The following TNNI3K variants were observed in gnomAD, a reference collection of about 807,000 sequenced individuals.
TNNI3K encodes the protein serine/threonine-protein kinase TNNI3K.
Under a neutral mutation model 114.5 loss-of-function variants are expected in TNNI3K, and 140 were observed. That is an observed-to-expected ratio of 1.22 (90% CI 1.07 to 1.41). The LOEUF is 1.41. Ranked by LOEUF, TNNI3K falls within the 40% of genes most tolerant of loss-of-function variation. The pLI, the probability that TNNI3K is intolerant of heterozygous loss-of-function variation, is 0.00. For missense variants in TNNI3K, 1,125 were observed against 1,007.6 expected, an observed-to-expected ratio of 1.12 and a Z score of -1.58; for synonymous variants, 347 against 347.5, an observed-to-expected ratio of 1.00 and a Z score of 0.02.
chr1:74,523,631 G>A (rs902183578), intron 23 of TNNI3K, among the ~76,000 whole-genome samples: 2 of 152,172 alleles, frequency 1.3e-5, no homozygotes, highest in African/African-American at 2.4e-5. Context: ...CAGAGGTTGA[G>A]CTCCTACTGT....
intron 17 of TNNI3K, among the ~76,000 whole-genome samples, chr1:74,425,401 C>A (rs1216514057): frequency 6.6e-6 from 1 of 152,034 alleles, no homozygotes; most frequent in Non-Finnish European, 1.5e-5. Flanking sequence ...GGTTTTAAGT[C>A]TCAGCAAGTT....
intron 21 of TNNI3K, among the ~76,000 whole-genome samples, chr1:74,486,201 A>AAGAGACAGAGAGAGAG (rs1668751975): frequency 7.3e-6 from 1 of 136,412 alleles, no homozygotes; most frequent in Non-Finnish European, 1.6e-5. Context: ...AAATGCTATA[A>AAGAGACAGAGAGAGAG]AGAGAGAGAG....
At chr1:74,299,185 T>C (rs1303738174) in intron 5 of TNNI3K, among the ~76,000 whole-genome samples, 1 of 152,134 alleles carries the variant, frequency 6.6e-6, no homozygotes, top group Non-Finnish European at 1.5e-5. Context: ...CCACTGTAAA[T>C]GTAGCAGCCT....
intron 5 of TNNI3K, among the ~76,000 whole-genome samples, chr1:74,301,944 A>G (rs1298988865): frequency 6.6e-6 from 1 of 152,206 alleles, no homozygotes; most frequent in Non-Finnish European, 1.5e-5. Context: ...CCAAGTGCCT[A>G]TTGGTAAATG....
intron 20 of TNNI3K, among the ~76,000 whole-genome samples, chr1:74,458,008 T>C (rs1667298071): frequency 6.6e-6 from 1 of 152,180 alleles, no homozygotes; most frequent in South Asian, 2.1e-4. Flanking sequence ...CATACAATTA[T>C]GTTTTTTATA....
chr1:74,278,536 G>A (rs978660814), intron 5 of TNNI3K, among the ~76,000 whole-genome samples: 1 of 151,928 alleles, frequency 6.6e-6, no homozygotes, highest in East Asian at 1.9e-4. Context: ...CTTTTTGTAT[G>A]GTCCCCATTC....
chr1:74,309,793 T>C (rs544089138), intron 5 of TNNI3K, among the ~76,000 whole-genome samples: 11 of 152,126 alleles, frequency 7.2e-5, no homozygotes, highest in Non-Finnish European at 1.2e-4. Context: ...AAATGAGGCA[T>C]TGAAGAAACT....
intron 17 of TNNI3K, among the ~76,000 whole-genome samples, chr1:74,394,242 A>G (rs1014062495): frequency 6.6e-6 from 1 of 152,234 alleles, no homozygotes; most frequent in Non-Finnish European, 1.5e-5. Context: ...GTTTCAAATC[A>G]GTGGTTAGAA....
chr1:74,428,935 C>T (rs761446730), intron 17 of TNNI3K, among the ~76,000 whole-genome samples: 18 of 151,968 alleles, frequency 1.2e-4, no homozygotes, highest in Non-Finnish European at 2.5e-4. Flanking sequence ...AGAGTGAGAC[C>T]CTGTCTCTGT....
intron 4 of TNNI3K, among the ~76,000 whole-genome samples, chr1:74,255,121 G>A (rs928651576): frequency 9.2e-5 from 14 of 152,030 alleles, no homozygotes; most frequent in East Asian, 1.9e-4. Flanking sequence ...TTGGGAGGCC[G>A]AGGCGGGCGG....
chr1:74,518,579 G>A (rs1422207724), intron 23 of TNNI3K, among the ~76,000 whole-genome samples: 3 of 152,116 alleles, frequency 2.0e-5, no homozygotes, highest in Non-Finnish European at 2.9e-5. Flanking sequence ...TAATCGTGAC[G>A]AAGCTTATGG....
chr1:74,399,400 G>T (rs1251360717), intron 17 of TNNI3K, among the ~76,000 whole-genome samples: 3 of 152,050 alleles, frequency 2.0e-5, no homozygotes, highest in Admixed American at 6.5e-5. Flanking sequence ...CATTCCTTAG[G>T]TTGAAAGGAC....
At chr1:74,455,940 C>T (rs757574174) in intron 20 of TNNI3K, among the ~76,000 whole-genome samples, 6 of 152,194 alleles carry the variant, frequency 3.9e-5, no homozygotes, top group Non-Finnish European at 8.8e-5. Context: ...TCCCTTAGCC[C>T]AGTCAAGTTG....
intron 23 of TNNI3K, among the ~76,000 whole-genome samples, chr1:74,538,000 T>G (rs1474258152): frequency 6.6e-6 from 1 of 152,204 alleles, no homozygotes; most frequent in African/African-American, 2.4e-5. Context: ...TTAAATAACT[T>G]GCCAAGATAG....
intron 17 of TNNI3K, among the ~76,000 whole-genome samples, chr1:74,378,502 T>C (rs918545732): frequency 6.7e-6 from 1 of 149,628 alleles, no homozygotes; most frequent in African/African-American, 2.5e-5. Context: ...AAGTGAGCAC[T>C]AATGAGGCAA....
At chr1:74,495,063 C>A (rs1669258664) in intron 23 of TNNI3K, among the ~76,000 whole-genome samples, 1 of 152,146 alleles carries the variant, frequency 6.6e-6, no homozygotes, top group South Asian at 2.1e-4. Flanking sequence ...GTGAAAAAAC[C>A]CATCAGCTTT....
chr1:74,329,555 C>T (rs774067504), intron 5 of TNNI3K, among the ~76,000 whole-genome samples: 5 of 151,942 alleles, frequency 3.3e-5, no homozygotes, highest in Non-Finnish European at 5.9e-5. Flanking sequence ...ATGCTATCCC[C>T]GAGTGAATAA....
intron 4 of TNNI3K, among the ~76,000 whole-genome samples, chr1:74,262,486 A>T (rs1441707503): frequency 6.6e-6 from 1 of 152,024 alleles, no homozygotes; most frequent in African/African-American, 2.4e-5. Flanking sequence ...CTGATTAAAG[A>T]CTGCATTTTC....
At chr1:74,343,308 C>T in intron 9 of TNNI3K, 129 bp downstream of exon 9, 1 of 1,031,398 alleles carries the variant, frequency 9.7e-7, no homozygotes, top group Non-Finnish European at 1.4e-6. Context: ...AGAGGTAGGG[C>T]AGAGGACAAA....
Sources: gnomAD v4.1 joint callset for allele counts (sites outside exome capture counted in the v4.1 genomes callset) on GRCh38, gnomAD v4.1.1 for gene constraint, MANE v1.5 for transcripts, NCBI Gene and HGNC (gene_info 2026-07-23, HGNC 2026-07-21) for gene names.